ZNF30: variants seen among roughly 807,000 people sequenced by gnomAD.
ZNF30 encodes the protein zinc finger protein 30.
A neutral mutation model predicts 13.2 loss-of-function variants in ZNF30; 15 were observed. That is an observed-to-expected ratio of 1.13 (90% CI 0.76 to 1.75). The LOEUF is 1.75. ZNF30 is among the 40% of genes most tolerant of loss of function. ZNF30 has a pLI of 0.00. For synonymous variants in ZNF30, 223 were observed against 256.6 expected, an observed-to-expected ratio of 0.87 and a Z score of 1.25; for missense variants, 726 against 757.0, an observed-to-expected ratio of 0.96 and a Z score of 0.48.
At chr19:34,937,033 C>T (rs536983385) in intron 4 of ZNF30, among the ~76,000 whole-genome samples, 18 of 152,004 alleles carry the variant, frequency 1.2e-4, no homozygotes, top group Non-Finnish European at 2.4e-4. Context: ...TTGTTTGAGA[C>T]GGAGTTTCAC....
rs2013193902 is a variant in ZNF30, at chr19:34,944,047, G to A, written c.1081G>A (p.Ala361Thr). 6.2e-7 allele frequency: 1 copy of A among 1,613,886 alleles called. No homozygotes were observed. The highest frequency in any genetic ancestry group is 1.3e-5 in the African/African-American group (1 of 74,968). ...KAFRLSSFLH[A>T]HQRIHAEIKP... ...CTTTAGACTTAGTTCCTTCCTTCAT[G>A]CACATCAGCGAATTCATGCAGAGAT... The change falls in exon 5 of 5, where the codon GCA (alanine) becomes ACA (threonine). Residue 361 changes from alanine (A) to threonine (T), a missense_variant. Ala to Thr is a moderately conservative substitution (Grantham distance 58). Coordinates refer to ENST00000601142, the MANE Select transcript of ZNF30 (RefSeq NM_194325.3).
intron 4 of ZNF30, among the ~76,000 whole-genome samples, chr19:34,940,689 A>G (rs2151673456): frequency 6.6e-6 from 1 of 151,544 alleles, no homozygotes; most frequent in Admixed American, 6.6e-5. Flanking sequence ...AAAAAAAAAA[A>G]AAATAGAATA....
At chr19:34,925,017 A>G (rs2012013298), upstream of ZNF30, among the ~76,000 whole-genome samples, 1 of 152,196 alleles carries the variant, frequency 6.6e-6, no homozygotes, top group Admixed American at 6.5e-5. Flanking sequence ...GATAAGAGAA[A>G]AGTTCCCTTG....
intron 1 of ZNF30, 108 bp from the exon 2 acceptor site, chr19:34,929,776 G>T: frequency 1.7e-6 from 1 of 578,202 alleles, no homozygotes; most frequent in African/African-American, 2.0e-5. Flanking sequence ...TTTTGTTTGA[G>T]GGTGTTTGTA....
upstream of ZNF30, among the ~76,000 whole-genome samples, chr19:34,924,468 G>A (rs551742029): frequency 3.3e-5 from 5 of 152,086 alleles, no homozygotes; most frequent in East Asian, 7.7e-4. Context: ...ACATTTTGAC[G>A]GCTATTTACA....
At chr19:34,935,457 G>T (rs1214802916) in intron 4 of ZNF30, among the ~76,000 whole-genome samples, 2 of 151,924 alleles carry the variant, frequency 1.3e-5, no homozygotes, top group Non-Finnish European at 2.9e-5. Flanking sequence ...CTTTGCCAGG[G>T]ATCCCATATT....
chr19:34,929,788 C>T, intron 1 of ZNF30, 96 bp from the exon 2 acceptor site: 1 of 653,464 alleles, frequency 1.5e-6, no homozygotes, highest in South Asian at 2.5e-5. Flanking sequence ...GTGTTTGTAG[C>T]ACAGTTTGGA....
At chr19:34,931,659 A>C (rs1017663029) in intron 2 of ZNF30, among the ~76,000 whole-genome samples, 184 bp from the exon 3 acceptor site, 20 of 152,224 alleles carry the variant, frequency 1.3e-4, no homozygotes, top group African/African-American at 4.8e-4. Flanking sequence ...ATAATCCTAC[A>C]ATATATAGGA....
In ZNF30 at chr19:34,926,981, A is replaced by G. The variant is rs554811326; in HGVS notation, c.-300A>G. ...CCCAGAGGCTGCAGCTATCCGGCCA[A>G]TGTAGCCTGAAACTACATTTCTCAG... On this transcript the variant is annotated 5_prime_UTR_variant, in exon 1 of 5. It removes an upstream start codon present in the reference 5' UTR. Transcript: ENST00000601142. 1.8e-5 allele frequency: 7 copies of G among 398,614 alleles called. No individual in the cohort carries two copies. Among genetic ancestry groups the G allele is most frequent in the Admixed American group, 1.3e-4 (3 of 22,742 alleles). 24.7% of individuals were successfully genotyped at this position (398,614 alleles called of 1,614,324 possible). A position where few individuals can be genotyped will look rare whatever the true frequency, so the allele number is the denominator to read the frequency against.
rs542111607 is a variant in ZNF30 at position 34,933,745 on chromosome 19, A to G, written c.256+22A>G. 3.4e-5 allele frequency: 52 copies of G among 1,513,026 alleles called. No homozygotes were observed. The South Asian group carries it at 5.9e-4, about 17-fold the overall frequency. 93.7% of individuals were successfully genotyped at this position (1,513,026 alleles called of 1,614,324 possible). ...ACAGGTGAGTAAGAGCATGGCAGGT[A>G]GGGAGGCCATTGTTGCTGGAAACAG... On this transcript the variant is annotated intron_variant, in intron 4 of 4. Transcript: ENST00000601142.
Position 34,929,955 on chromosome 19 carries a change from A to G in ZNF30, c.8A>G (p.His3Arg), listed in dbSNP as rs774425863. ...TCTTACAATTCTCAAAGCATGGCCC[A>G]TGTAAGTTGGTGTTTCTTCTTGAAA... is the stretch of plus-strand genomic sequence containing the variant. MAHKYVGLQYHGS... is the reference protein window; with the variant it reads MARKYVGLQYHGS... The change falls in exon 2 of 5, where the codon CAT (histidine) becomes CGT (arginine). Residue 3 changes from histidine (H) to arginine (R), a missense_variant and splice_region_variant. Transcript: ENST00000601142. 12 of 1,607,254 alleles carry G rather than the reference A, an allele frequency of 7.5e-6. No homozygotes were observed. Among genetic ancestry groups the G allele is most frequent in the African/African-American group, 1.3e-5 (1 of 74,938 alleles).
chr19:34,927,329 G>T lies in ZNF30; in HGVS notation c.-65+113G>T, dbSNP rs1442835684. Reference sequence around the variant, plus strand: ...TGCATCCGCGAAGACTGGGTGCATGGCCTCCATGCGAACCTGAGCTATTAA... The same window carrying T: ...TGCATCCGCGAAGACTGGGTGCATGTCCTCCATGCGAACCTGAGCTATTAA... On this transcript the variant is annotated intron_variant, in intron 1 of 4. Transcript: ENST00000601142. 2.3e-5 allele frequency: 7 copies of T among 300,146 alleles called. No homozygotes were observed. In the Middle Eastern group the frequency reaches 2.6e-3, roughly 111 times the overall value. The allele number at this position is 300,146 out of a possible 1,614,324, so 18.6% of individuals were successfully genotyped here.
At chr19:34,939,894 T>C (rs1471832900) in intron 4 of ZNF30, among the ~76,000 whole-genome samples, 2 of 152,234 alleles carry the variant, frequency 1.3e-5, no homozygotes, top group African/African-American at 4.8e-5. Context: ...TTCTTACACA[T>C]GATTCTTACT....
At chr19:34,932,426 T>C (rs981277830) in intron 3 of ZNF30, among the ~76,000 whole-genome samples, 4 of 152,232 alleles carry the variant, frequency 2.6e-5, no homozygotes, top group Admixed American at 2.6e-4. Context: ...CTCTGAACTT[T>C]GCATTTAAGA....
At chr19:34,929,415 AT>A (rs1456308542) in intron 1 of ZNF30, among the ~76,000 whole-genome samples, 2 of 152,174 alleles carry the variant, frequency 1.3e-5, no homozygotes, top group Admixed American at 1.3e-4. Context: ...TCCTATTACT[AT>A]TTTAGTGATG....
At chr19:34,927,261 C>A (rs1050765726) in intron 1 of ZNF30, 45 bp downstream of exon 1, 16 of 363,708 alleles carry the variant, frequency 4.4e-5, no homozygotes, top group Non-Finnish European at 7.3e-5. Flanking sequence ...CCGGCGAGTG[C>A]GGGAGCGGCA....
At position 34,943,317 on chromosome 19, in the gene ZNF30, G is replaced by A; in HGVS notation, c.351G>A (p.Gln117=). The change falls in exon 5 of 5, where the codon CAG becomes CAA. Residue 117 remains glutamine (Q), a synonymous_variant. Transcript: ENST00000601142. ...CTCTACATCAGAAAATAAGTAGACA[G>A]AAACCACGTGAATGTCAGGAATATG... The part of the protein sequence containing the change: ...SFALHQKISR[Q]KPRECQEYGK... 4 of 1,613,888 alleles carry A rather than the reference G, an allele frequency of 2.5e-6. No individual in the cohort carries two copies. Among genetic ancestry groups the A allele is most frequent in the Non-Finnish European group, 3.4e-6 (4 of 1,179,866 alleles).
chr19:34,943,659 A>G lies in ZNF30; in HGVS notation c.693A>G (p.Pro231=), dbSNP rs756329285. Residue 231 remains proline, a synonymous_variant, in exon 5 of 5, where the codon CCA becomes CCG. Coordinates refer to ENST00000601142, the MANE Select transcript of ZNF30 (RefSeq NM_194325.3). ...AGAGTATTCATACTGGGAAGAAACCATATGAGTGCGGGGAATGTGGGAAAG... is the reference window on the plus strand; with the variant it reads ...AGAGTATTCATACTGGGAAGAAACCGTATGAGTGCGGGGAATGTGGGAAAG... The part of the protein sequence containing the change: ...VHKSIHTGKK[P]YECGECGKAF... 8 of 1,613,720 alleles carry G rather than the reference A, an allele frequency of 5.0e-6. No individual in the cohort carries two copies. The highest frequency in any genetic ancestry group is 4.2e-6 in the Non-Finnish European group (5 of 1,179,778).
At position 34,930,083 on chromosome 19, in the gene ZNF30, G is replaced by A. The variant is rs952493212; in HGVS notation, c.9+127G>A. 33 of 932,228 alleles carry A rather than the reference G, an allele frequency of 3.5e-5. No individual in the cohort carries two copies. The South Asian group carries it at 4.0e-4, about 11-fold the overall frequency. 57.7% of individuals were successfully genotyped at this position (932,228 alleles called of 1,614,324 possible). A position where few individuals can be genotyped will look rare whatever the true frequency, so the allele number is the denominator to read the frequency against. On this transcript the variant is annotated intron_variant, in intron 2 of 4. Coordinates refer to ENST00000601142, the MANE Select transcript of ZNF30 (RefSeq NM_194325.3). The stretch of plus-strand genomic sequence containing the variant: ...GCCTACTTGATTCCTTCTGTTTGGC[G>A]GAATGATGTCAAAGTATCGTTTCCT...
Sources: allele counts gnomAD v4.1 joint callset (sites outside exome capture counted in the v4.1 genomes callset), GRCh38; gene constraint gnomAD v4.1.1; transcripts MANE v1.5; gene names NCBI Gene and HGNC (gene_info 2026-07-23, HGNC 2026-07-21).